KIF4A: variants seen among roughly 807,000 people sequenced by gnomAD.
The protein encoded by KIF4A is kinesin family member 4A.
A neutral mutation model predicts 105.9 loss-of-function variants in KIF4A; 7 were observed. The observed-to-expected ratio is 0.07, with a 90% CI of 0.04 to 0.12. KIF4A has a LOEUF of 0.12. Among genes scored for constraint, KIF4A ranks in the 10% least tolerant of loss-of-function variants. The pLI, the probability that KIF4A is intolerant of heterozygous loss-of-function variation, is 1.00. For synonymous variants in KIF4A, 281 were observed against 331.3 expected (o/e 0.85, Z 1.65); for missense variants, 558 against 929.2 (o/e 0.60, Z 5.19).
At chrX:70,323,183 C>T (rs1014570778) in intron 7 of KIF4A, among the ~76,000 whole-genome samples, 9 of 111,121 alleles carry the variant, frequency 8.1e-5, no homozygotes, top group African/African-American at 2.6e-4. Flanking sequence ...AATTTGCGCT[C>T]AGTCCCAACT....
rs756869029 is a variant in KIF4A, at chrX:70,403,878, A to C, written c.2634A>C (p.Lys878Asn). The C allele has an allele frequency of 1.7e-6, 2 of 1,208,457 alleles. No individual in the cohort carries two copies. The highest frequency in any genetic ancestry group is 2.2e-6 in the Non-Finnish European group (2 of 893,512). ...ATTCCTTCCAGCTGGTCTCCTCCAA[A>C]ATACAGGTCAGCAAACTTGAAAGCA... ...KYLIGELVSS[K>N]IQVSKLESSL... The change falls in exon 24 of 31, where the codon AAA (lysine) becomes AAC (asparagine). Residue 878 changes from lysine (K) to asparagine (N), a missense_variant. Physicochemically the swap from Lys to Asn is moderately conservative, Grantham distance 94. Transcript: ENST00000374403.
intron 18 of KIF4A, among the ~76,000 whole-genome samples, chrX:70,384,926 A>G (rs1416122254): frequency 9.3e-6 from 1 of 107,073 alleles, no homozygotes; most frequent in Non-Finnish European, 1.9e-5. Flanking sequence ...AAGCCTCCTG[A>G]GTAGCTGGGA....
intron 7 of KIF4A, among the ~76,000 whole-genome samples, chrX:70,304,672 T>TGAGA (rs1555944980): frequency 1.1e-5 from 1 of 88,956 alleles, no homozygotes; most frequent in Non-Finnish European, 2.1e-5. Flanking sequence ...TTTTTTTTTT[T>TGAGA]GAGAGAGAGA....
At chrX:70,419,834 T>C (rs1291000109) in intron 30 of KIF4A, 51 bp downstream of exon 30, 1 of 1,202,660 alleles carries the variant, frequency 8.3e-7, no homozygotes, top group East Asian at 3.0e-5. Context: ...CGTCCTTCTC[T>C]GCATTATCTA....
chrX:70,349,895 G>A lies in KIF4A; in HGVS notation c.1432-2705G>A, dbSNP rs1329017387. 3.1e-5 allele frequency among the ~76,000 whole-genome samples: 3 copies of A among 96,888 alleles called. No individual in the cohort carries two copies. In the South Asian group the frequency reaches 1.6e-3, roughly 53 times the overall value. 84.1% of individuals were successfully genotyped at this position (96,888 alleles called of 115,157 possible). On this transcript the variant is annotated intron_variant, in intron 13 of 30. Coordinates refer to ENST00000374403, the MANE Select transcript of KIF4A (RefSeq NM_012310.5). ...CTCCTCACTTCCTAGACGGGGTGGCGGCCGGGCAGAGACGCTCCTCACCTC... is the reference window on the plus strand; with the variant it reads ...CTCCTCACTTCCTAGACGGGGTGGCAGCCGGGCAGAGACGCTCCTCACCTC...
intron 15 of KIF4A, among the ~76,000 whole-genome samples, chrX:70,373,078 C>A (rs1298367228): frequency 9.0e-6 from 1 of 111,243 alleles, no homozygotes; most frequent in Non-Finnish European, 1.9e-5. Context: ...TTAAGACCAG[C>A]CTGGGCAACA....
intron 15 of KIF4A, among the ~76,000 whole-genome samples, chrX:70,359,273 A>G (rs1038049584): frequency 5.4e-5 from 6 of 111,238 alleles, no homozygotes; most frequent in African/African-American, 2.0e-4. Flanking sequence ...TGTCCATGTT[A>G]ATAGGACATA....
At chrX:70,392,641 T>A (rs903832986) in intron 20 of KIF4A, among the ~76,000 whole-genome samples, 16 of 109,738 alleles carry the variant, frequency 1.5e-4, no homozygotes, top group Non-Finnish European at 2.7e-4. Flanking sequence ...ATTTTTTTTT[T>A]AAATCTGTAA....
At chrX:70,313,389 CTTTT>C (rs748068396) in intron 7 of KIF4A, among the ~76,000 whole-genome samples, 1 of 111,777 alleles carries the variant, frequency 8.9e-6, no homozygotes, top group Admixed American at 9.5e-5. Flanking sequence ...GATGGTCTCT[CTTTT>C]TAATTTTTTT....
intron 7 of KIF4A, among the ~76,000 whole-genome samples, chrX:70,315,890 C>G (rs927736452): frequency 4.5e-5 from 5 of 111,922 alleles, no homozygotes; most frequent in Non-Finnish European, 9.4e-5. Flanking sequence ...ATGGGCGAAG[C>G]CTTTGCCACA....
At position 70,343,758 on chromosome X, in the gene KIF4A, C is replaced by A. The variant is rs759451517; in HGVS notation, c.1322C>A (p.Ala441Glu). 8.3e-7 allele frequency: 1 copy of A among 1,209,959 alleles called. No individual in the cohort carries two copies. Among genetic ancestry groups the A allele is most frequent in the Non-Finnish European group, 1.1e-6 (1 of 894,002 alleles). ...AAGCTAGAAGAGCTCAGGCAGCATG[C>A]GGCGTAAGTTGCCCACCAGATATTT... is the stretch of plus-strand genomic sequence containing the variant. Reference protein sequence around the residue: ...NAKLEELRQHAACKLDLQKLV... With the variant: ...NAKLEELRQHEACKLDLQKLV... The change falls in exon 12 of 31, where the codon GCG becomes GAG. Residue 441 changes from alanine to glutamate, a missense_variant. Physicochemically the swap from Ala to Glu is moderately radical, Grantham distance 107. Around this residue, in one of 2 missense-constraint regions of KIF4A, gnomAD observed 469 missense variants for 680.4 expected, o/e 0.69. Coordinates refer to ENST00000374403, the MANE Select transcript of KIF4A (RefSeq NM_012310.5).
intron 15 of KIF4A, among the ~76,000 whole-genome samples, chrX:70,354,143 G>GATAA (rs2147706146): frequency 8.9e-6 from 1 of 112,670 alleles, no homozygotes; most frequent in South Asian, 3.7e-4. Flanking sequence ...AATAGTCTGG[G>GATAA]TTATAGTATG....
chrX:70,302,630 A>G (rs770506215), intron 7 of KIF4A, among the ~76,000 whole-genome samples: 1 of 111,805 alleles, frequency 8.9e-6, no homozygotes, highest in South Asian at 3.8e-4. Flanking sequence ...GGTCCAGGCA[A>G]GTTTTAGTTT....
At chrX:70,302,167 G>A in intron 6 of KIF4A, 101 bp downstream of exon 6, 1 of 1,090,885 alleles carries the variant, frequency 9.2e-7, no homozygotes, top group Non-Finnish European at 1.2e-6. Flanking sequence ...TCAGACATCA[G>A]TATTGTGAGC....
At chrX:70,312,607 A>G (rs1156476745) in intron 7 of KIF4A, among the ~76,000 whole-genome samples, 1 of 112,257 alleles carries the variant, frequency 8.9e-6, no homozygotes, top group Non-Finnish European at 1.9e-5. Context: ...TTTCACTTTT[A>G]TTCTCTATTT....
intron 7 of KIF4A, among the ~76,000 whole-genome samples, chrX:70,315,651 C>T (rs2085866542): frequency 9.0e-6 from 1 of 111,693 alleles, no homozygotes; most frequent in Non-Finnish European, 1.9e-5. Flanking sequence ...GTGGGAAAAG[C>T]ACAGTGGTTT....
At chrX:70,351,138 T>C (rs1335280758) in intron 13 of KIF4A, among the ~76,000 whole-genome samples, 2 of 112,386 alleles carry the variant, frequency 1.8e-5, no homozygotes, top group Non-Finnish European at 3.8e-5. Context: ...TCTGTTCTTT[T>C]TTTCCCTTTT....
chrX:70,335,844 A>T (rs1186303997), intron 10 of KIF4A, among the ~76,000 whole-genome samples: 1 of 111,687 alleles, frequency 9.0e-6, no homozygotes, highest in Non-Finnish European at 1.9e-5. Flanking sequence ...CATGTACCAC[A>T]ATTTTTTTCA....
Position 70,420,713 on chromosome X carries a change from G to T in KIF4A, c.*448G>T. On this transcript the variant is annotated 3_prime_UTR_variant, in exon 31 of 31. Coordinates refer to ENST00000374403, the MANE Select transcript of KIF4A (RefSeq NM_012310.5). ...CAGGAATGAGGTTGTGATCTTTCCT[G>T]TCCTGACCCTCTCTGAATTATGTTT... 1 of 128,506 alleles carries T rather than the reference G, an allele frequency of 7.8e-6. No homozygotes were observed. 10.6% of individuals were successfully genotyped at this position (128,506 alleles called of 1,213,427 possible). A position where few individuals can be genotyped will look rare whatever the true frequency, so the allele number is the denominator to read the frequency against.
Sources: allele counts gnomAD v4.1 joint callset (sites outside exome capture counted in the v4.1 genomes callset), GRCh38; gene constraint gnomAD v4.1.1; regional missense constraint gnomAD v4.1.1; transcripts MANE v1.5; gene names NCBI Gene and HGNC (gene_info 2026-07-23, HGNC 2026-07-21).